TBL1X: variants seen among roughly 807,000 people sequenced by gnomAD.
TBL1X encodes the protein F-box-like/WD repeat-containing protein TBL1X.
A neutral mutation model predicts 50.7 loss-of-function variants in TBL1X; 10 were observed. The observed-to-expected ratio is 0.20, with a 90% confidence interval of 0.12 to 0.33. TBL1X has a LOEUF of 0.33. Among genes scored for constraint, TBL1X ranks in the 10% least tolerant of loss-of-function variants. The pLI is 1.00. For synonymous variants in TBL1X, 190 were observed against 214.7 expected (o/e 0.88, Z 1.01); for missense variants, 340 against 504.4 (o/e 0.67, Z 3.12).
intron 2 of TBL1X, among the ~76,000 whole-genome samples, chrX:9,570,224 G>A (rs1215389155): frequency 8.9e-6 from 1 of 112,034 alleles, no homozygotes; most frequent in African/African-American, 3.2e-5. Flanking sequence ...TTTATTCAAC[G>A]TTCTTTTCTT....
At chrX:9,713,365 C>G (rs1293713229) in intron 16 of TBL1X, among the ~76,000 whole-genome samples, 1 of 109,536 alleles carries the variant, frequency 9.1e-6, no homozygotes, top group Non-Finnish European at 1.9e-5. Context: ...AGCCTGTTGT[C>G]AGGAACTCAC....
chrX:9,539,846 G>A (rs759719864), intron 2 of TBL1X, among the ~76,000 whole-genome samples: 2 of 112,070 alleles, frequency 1.8e-5, no homozygotes, highest in African/African-American at 3.2e-5. Flanking sequence ...GTCAGGGCAT[G>A]CCCCACCAAA....
At chrX:9,554,013 CGTGACTA>C (rs1307810895) in intron 2 of TBL1X, among the ~76,000 whole-genome samples, 3 of 110,967 alleles carry the variant, frequency 2.7e-5, no homozygotes, top group Non-Finnish European at 5.7e-5. Flanking sequence ...CCTGAGTAGC[CGTGACTA>C]CAGGTGTGCA....
At chrX:9,607,521 C>T (rs142066886) in intron 2 of TBL1X, among the ~76,000 whole-genome samples, 243 of 112,623 alleles carry the variant, frequency 2.2e-3, no homozygotes, top group African/African-American at 7.3e-3. Flanking sequence ...TTGGAGTTGC[C>T]GCTCTCACCC....
intron 1 of TBL1X, among the ~76,000 whole-genome samples, chrX:9,483,432 A>T (rs938891499): frequency 8.9e-6 from 1 of 112,238 alleles, no homozygotes; most frequent in Non-Finnish European, 1.9e-5. Context: ...GAACAATGAA[A>T]TGACTGTGTA....
intron 1 of TBL1X, among the ~76,000 whole-genome samples, chrX:9,494,829 T>C (rs1440856965): frequency 1.8e-5 from 2 of 112,402 alleles, no homozygotes; most frequent in South Asian, 3.7e-4. Flanking sequence ...GTTTTTGTTT[T>C]TGCTTATTTG....
At chrX:9,618,255 C>G (rs1388771487) in intron 2 of TBL1X, among the ~76,000 whole-genome samples, 2 of 111,870 alleles carry the variant, frequency 1.8e-5, no homozygotes, top group Non-Finnish European at 3.8e-5. Context: ...AGAAAATGAT[C>G]AGGCCATGCC....
chrX:9,709,176 C>G (rs987644605), intron 13 of TBL1X, 72 bp from the exon 14 acceptor site: 5 of 1,074,108 alleles, frequency 4.7e-6, no homozygotes, highest in South Asian at 1.9e-5. Context: ...GCGCTGCTGC[C>G]CCCTGCTGGA....
intron 2 of TBL1X, among the ~76,000 whole-genome samples, chrX:9,539,969 A>C (rs1222736324): frequency 8.9e-6 from 1 of 112,818 alleles, no homozygotes; most frequent in African/African-American, 3.2e-5. Flanking sequence ...AGACATTCAT[A>C]GTTGCAGGCA....
At chrX:9,493,396 T>C (rs1462361736) in intron 1 of TBL1X, among the ~76,000 whole-genome samples, 1 of 111,696 alleles carries the variant, frequency 9.0e-6, no homozygotes, top group Non-Finnish European at 1.9e-5. Context: ...ATTCACTTGT[T>C]TGGAAATTGG....
intron 2 of TBL1X, among the ~76,000 whole-genome samples, chrX:9,588,042 T>G (rs1184961427): frequency 8.9e-6 from 1 of 112,019 alleles, no homozygotes; most frequent in East Asian, 2.8e-4. Flanking sequence ...CGAGTTCTGC[T>G]TCTATGAATT....
chrX:9,609,157 C>T (rs778073201), intron 2 of TBL1X, among the ~76,000 whole-genome samples: 5 of 111,600 alleles, frequency 4.5e-5, no homozygotes, highest in East Asian at 2.8e-4. Flanking sequence ...GAATACCCAC[C>T]GGAGGAAGTA....
intron 2 of TBL1X, among the ~76,000 whole-genome samples, chrX:9,511,235 G>A (rs2082054394): frequency 8.9e-6 from 1 of 112,430 alleles, no homozygotes; most frequent in Non-Finnish European, 1.9e-5. Flanking sequence ...GAGGGCTCAG[G>A]ATGGTGATAA....
chrX:9,522,319 T>G (rs981601460), intron 2 of TBL1X, among the ~76,000 whole-genome samples: 22 of 111,915 alleles, frequency 2.0e-4, no homozygotes, highest in Non-Finnish European at 4.0e-4. Context: ...ATGCCCAGCC[T>G]AAATATGTAT....
chrX:9,651,095 G>T (rs1318283502), intron 3 of TBL1X, among the ~76,000 whole-genome samples: 2 of 90,636 alleles, frequency 2.2e-5, no homozygotes, highest in African/African-American at 8.4e-5. Flanking sequence ...AGTGGTGATC[G>T]CGGCTCACTG....
chrX:9,684,013 C>G, intron 5 of TBL1X, 30 bp from the exon 6 acceptor site: 1 of 1,211,802 alleles, frequency 8.3e-7, no homozygotes, highest in Non-Finnish European at 1.1e-6. Flanking sequence ...TCGGGTCTCA[C>G]TCAACCTCAG....
intron 7 of TBL1X, among the ~76,000 whole-genome samples, chrX:9,689,132 G>A (rs1382550842): frequency 8.8e-6 from 1 of 113,459 alleles, no homozygotes; most frequent in Non-Finnish European, 1.9e-5. Flanking sequence ...ACCTGTGCAT[G>A]GTGTAGTGTA....
chrX:9,608,418 C>G (rs1372627089), intron 2 of TBL1X, among the ~76,000 whole-genome samples: 3 of 111,974 alleles, frequency 2.7e-5, no homozygotes, highest in Non-Finnish European at 3.8e-5. Flanking sequence ...TATATCAGTG[C>G]AGATCCATTC....
intron 17 of TBL1X, 40 bp downstream of exon 17, chrX:9,715,043 G>C (rs1315778305): frequency 8.7e-7 from 1 of 1,149,168 alleles, no homozygotes; most frequent in Non-Finnish European, 1.2e-6. Flanking sequence ...TGGGGTGTTG[G>C]GGGCAGCTGA....
Sources: allele counts gnomAD v4.1 joint callset (sites outside exome capture counted in the v4.1 genomes callset), GRCh38; gene constraint gnomAD v4.1.1; transcripts MANE v1.5; gene names NCBI Gene and HGNC (gene_info 2026-07-23, HGNC 2026-07-21).